Variants in RPN1 observed in about 807,000 individuals in gnomAD.
The protein encoded by RPN1 is ribophorin I.
Under a neutral mutation model 55.5 loss-of-function variants are expected in RPN1, and 12 were observed. That is an observed-to-expected ratio of 0.22 (90% CI 0.14 to 0.35). The LOEUF (loss-of-function observed/expected upper bound fraction) is 0.35. Among genes scored for constraint, RPN1 ranks in the 10% least tolerant of loss-of-function variants. The probability of loss-of-function intolerance (pLI) is 1.00; values close to 1 mark genes in which losing one functional copy is unlikely to be tolerated. For missense variants in RPN1, 679 were observed against 761.3 expected (o/e 0.89, Z 1.27); for synonymous variants, 317 against 305.9 (o/e 1.04, Z -0.38).
rs1159559053 is a variant in RPN1, at chr3:128,620,290, G to C, written c.*121C>G. On this transcript the variant is annotated 3_prime_UTR_variant, in exon 10 of 10. Coordinates refer to ENST00000296255, the MANE Select transcript of RPN1 (RefSeq NM_002950.4). Reference sequence around the variant, plus strand: ...ACGCAGGGCCTGGTTTCTCTTCCTTGAAGGCCTTTTACAGATGTCAGCTTT... The same window carrying C: ...ACGCAGGGCCTGGTTTCTCTTCCTTCAAGGCCTTTTACAGATGTCAGCTTT... 1 of 759,466 alleles carries C rather than the reference G, an allele frequency of 1.3e-6. No individual in the cohort carries two copies. Among genetic ancestry groups the C allele is most frequent in the Non-Finnish European group, 1.9e-6 (1 of 513,022 alleles). 47.0% of individuals were successfully genotyped at this position (759,466 alleles called of 1,614,324 possible). A position where few individuals can be genotyped will look rare whatever the true frequency, so the allele number is the denominator to read the frequency against.
chr3:128,644,835 A>G (rs2069754814), intron 2 of RPN1, 84 bp downstream of exon 2: 3 of 801,262 alleles, frequency 3.7e-6, no homozygotes, highest in Non-Finnish European at 6.5e-6. Context: ...CTTCCTAAGC[A>G]ACTCTCCTAG....
chr3:128,647,056 C>T (rs1046356580), intron 1 of RPN1, among the ~76,000 whole-genome samples: 16 of 151,758 alleles, frequency 1.1e-4, no homozygotes, highest in Admixed American at 8.5e-4. Context: ...CTCACAGCAA[C>T]AAGATACATA....
intron 8 of RPN1, among the ~76,000 whole-genome samples, chr3:128,623,538 G>C (rs1398069098): frequency 1.7e-5 from 2 of 115,946 alleles, no homozygotes; most frequent in African/African-American, 6.4e-5. Flanking sequence ...ACTCTGTCTC[G>C]AGAAAAAAAA....
intron 3 of RPN1, among the ~76,000 whole-genome samples, chr3:128,635,157 T>C (rs2069667735): frequency 1.3e-5 from 2 of 152,124 alleles, no homozygotes; most frequent in South Asian, 4.1e-4. Flanking sequence ...TAGGGAGCTA[T>C]GTTTTGAGAC....
At chr3:128,626,896 A>T in intron 5 of RPN1, 64 bp from the exon 6 acceptor site, 1 of 1,426,100 alleles carries the variant, frequency 7.0e-7, no homozygotes, top group South Asian at 1.1e-5. Context: ...GGAGAGAAAG[A>T]AGTACAGGGG....
At chr3:128,631,922 C>T in intron 4 of RPN1, 26 bp downstream of exon 4, 1 of 1,610,276 alleles carries the variant, frequency 6.2e-7, no homozygotes, top group East Asian at 2.2e-5. Flanking sequence ...TCATTTCTCA[C>T]AATGTCCAAG....
Position 128,641,306 on chromosome 3 carries a change from A to G in RPN1, c.327-3201T>C, listed in dbSNP as rs1028368369. Among the ~76,000 whole-genome samples the G allele has an allele frequency of 2.6e-5, 4 of 152,176 alleles. No homozygotes were observed. The East Asian group carries it at 7.7e-4, about 29-fold the overall frequency. The stretch of plus-strand genomic sequence containing the variant: ...GAATAAAATGGTAAGCTATGAAAAA[A>G]AATTTTTTAATGTTCCCAACTGTGG... On this transcript the variant is annotated intron_variant, in intron 2 of 9. Coordinates refer to ENST00000296255, the MANE Select transcript of RPN1 (RefSeq NM_002950.4).
chr3:128,640,304 A>T (rs921508987), intron 2 of RPN1, among the ~76,000 whole-genome samples: 3 of 152,228 alleles, frequency 2.0e-5, no homozygotes, highest in African/African-American at 7.2e-5. Context: ...TGAAAAATTG[A>T]ATTAATAAGC....
intron 3 of RPN1, among the ~76,000 whole-genome samples, chr3:128,632,798 T>C (rs973241612): frequency 5.3e-5 from 8 of 152,212 alleles, no homozygotes; most frequent in Non-Finnish European, 1.2e-4. Context: ...TTTCACCATG[T>C]TGGCCAAGCT....
rs566628272 is a variant in RPN1 at position 128,637,250 on chromosome 3, A to AT, written c.633+548dup. On this transcript the variant is annotated intron_variant, in intron 3 of 9. Transcript: ENST00000296255. ...AGGATCCTGTCTCTTAAAAAAAAAAATTTTTTTAAGTACTCCACCAAAGAA... is the reference window on the plus strand; with the variant it reads ...AGGATCCTGTCTCTTAAAAAAAAAAATTTTTTTTAAGTACTCCACCAAAGAA... Among the ~76,000 whole-genome samples, 822 of 151,884 alleles carry AT rather than the reference A, an allele frequency of 5.4e-3. 5 individuals carry two copies. Among genetic ancestry groups the AT allele is most frequent in the Non-Finnish European group, 8.3e-3 (563 of 67,954 alleles).
intron 7 of RPN1, 79 bp downstream of exon 7, chr3:128,625,795 G>T: frequency 6.4e-7 from 1 of 1,553,998 alleles, no homozygotes; most frequent in Non-Finnish European, 8.8e-7. Flanking sequence ...CCCAAGGAGG[G>T]ACAGAAGGTG....
Position 128,638,096 on chromosome 3 carries a change from G to C in RPN1, c.336C>G (p.Phe112Leu), listed in dbSNP as rs1191615052. Residue 112 changes from phenylalanine to leucine, a missense_variant, in exon 3 of 10, where the codon TTC (phenylalanine) becomes TTG (leucine). By Grantham distance (22) the Phe-to-Leu change is conservative. Transcript: ENST00000296255. ...ETKIKGKSGR[F>L]FTVKLPVALD... ...GAGCAACTGGGAGCTTGACTGTGAAGAATCTCCCACTAAAGGAAGAACAAG... is the reference window on the plus strand; with the variant it reads ...GAGCAACTGGGAGCTTGACTGTGAACAATCTCCCACTAAAGGAAGAACAAG... 6.2e-7 allele frequency: 1 copy of C among 1,611,340 alleles called. No homozygotes were observed. The highest frequency in any genetic ancestry group is 1.7e-5 in the Admixed American group (1 of 59,952).
chr3:128,634,850 C>T (rs1285782597), intron 3 of RPN1, among the ~76,000 whole-genome samples: 2 of 151,902 alleles, frequency 1.3e-5, no homozygotes, highest in Non-Finnish European at 1.5e-5. Flanking sequence ...CCTGAGCCAC[C>T]GCACCCAGCC....
intron 6 of RPN1, 124 bp from the exon 7 acceptor site, chr3:128,626,136 G>C: frequency 2.1e-6 from 2 of 932,806 alleles, no homozygotes; most frequent in East Asian, 2.6e-5. Flanking sequence ...CCTCCACTCT[G>C]CTCCCTTCTC....
At chr3:128,645,678 G>A (rs372001303) in intron 1 of RPN1, among the ~76,000 whole-genome samples, 8 of 151,094 alleles carry the variant, frequency 5.3e-5, no homozygotes, top group Admixed American at 2.6e-4. Flanking sequence ...TTAACCAGGC[G>A]TGGTGGCGCT....
At chr3:128,621,086 ATGT>A (rs1232441932) in intron 9 of RPN1, among the ~76,000 whole-genome samples, 1 of 152,146 alleles carries the variant, frequency 6.6e-6, no homozygotes, top group Non-Finnish European at 1.5e-5. Context: ...CATTCAACAA[ATGT>A]TTAGTGAGCC....
chr3:128,623,990 T>TACACACACACACACGCACAC (rs1192259281), intron 8 of RPN1, among the ~76,000 whole-genome samples: 1 of 150,714 alleles, frequency 6.6e-6, no homozygotes, highest in African/African-American at 2.4e-5. Context: ...CAGAAATAAT[T>TACACACACACACACGCACAC]ACACACACAC....
At chr3:128,628,312 A>G (rs955865512) in intron 5 of RPN1, among the ~76,000 whole-genome samples, 3 of 152,254 alleles carry the variant, frequency 2.0e-5, no homozygotes, top group African/African-American at 7.2e-5. Context: ...AAAAAGAAAA[A>G]TTCAGAAAAA....
intron 2 of RPN1, among the ~76,000 whole-genome samples, chr3:128,638,385 T>C (rs2069697234): frequency 6.6e-6 from 1 of 152,336 alleles, no homozygotes; most frequent in South Asian, 2.1e-4. Context: ...TTTTAACTTT[T>C]GTTCCATTGT....
Sources: gnomAD v4.1 joint callset for allele counts (sites outside exome capture counted in the v4.1 genomes callset) on GRCh38, gnomAD v4.1.1 for gene constraint, MANE v1.5 for transcripts, NCBI Gene and HGNC (gene_info 2026-07-23, HGNC 2026-07-21) for gene names.